Variants in EML1 observed in about 807,000 individuals in gnomAD.
EML1 encodes the protein EMAP like 1, also known as echinoderm microtubule-associated protein-like 1.
In EML1, 27 loss-of-function variants were observed where a neutral mutation model predicts 110.4. The observed-to-expected ratio is 0.24, with a 90% CI of 0.18 to 0.34. The LOEUF (loss-of-function observed/expected upper bound fraction) is 0.34, where lower values mean the gene tolerates loss of function less well. Among genes scored for constraint, EML1 ranks in the 10% least tolerant of loss-of-function variants. The pLI is 1.00. For missense variants in EML1, 741 were observed against 1,030.9 expected, an observed-to-expected ratio of 0.72 and a Z score of 3.85; for synonymous variants, 344 against 385.8, an observed-to-expected ratio of 0.89 and a Z score of 1.27.
At chr14:99,796,960 A>T (rs182733070) in intron 1 of EML1, among the ~76,000 whole-genome samples, 16 of 151,672 alleles carry the variant, frequency 1.1e-4, no homozygotes, top group Non-Finnish European at 1.6e-4. Context: ...CTTTATTGAA[A>T]TATTTACATA....
intron 4 of EML1, among the ~76,000 whole-genome samples, chr14:99,881,210 C>T (rs144373589): frequency 9.2e-5 from 14 of 152,268 alleles, no homozygotes; most frequent in Non-Finnish European, 1.9e-4. Context: ...AGAGTGCTGA[C>T]GTCATAGGGA....
chr14:99,907,619 T>C lies in EML1; in HGVS notation c.1009-19T>C. On this transcript the variant is annotated intron_variant, in intron 9 of 21. Transcript: ENST00000262233. ...TTTATTCTCAGATATAGTCTTCCTG[T>C]GAATAACTTTCTTTTCAGAATGGAG... 1 of 1,605,834 alleles carries C rather than the reference T, an allele frequency of 6.2e-7. No homozygotes were observed. Among genetic ancestry groups the C allele is most frequent in the Admixed American group, 1.7e-5 (1 of 59,536 alleles).
intron 1 of EML1, among the ~76,000 whole-genome samples, chr14:99,740,667 G>A (rs976431101): frequency 1.3e-5 from 2 of 152,184 alleles, no homozygotes; most frequent in Admixed American, 1.3e-4. Flanking sequence ...CAGCAAAGGC[G>A]CTTCCTTTAC....
At chr14:99,746,839 C>T (rs1257925006) in intron 1 of EML1, among the ~76,000 whole-genome samples, 2 of 152,178 alleles carry the variant, frequency 1.3e-5, no homozygotes, top group African/African-American at 4.8e-5. Flanking sequence ...CAGGGCTCCT[C>T]CCACCCAGGG....
At chr14:99,924,055 G>A (rs145468676) in intron 17 of EML1, among the ~76,000 whole-genome samples, 21 of 152,256 alleles carry the variant, frequency 1.4e-4, no homozygotes, top group African/African-American at 4.8e-4. Flanking sequence ...GGACAATAGT[G>A]GCTCTTATCA....
At chr14:99,830,036 G>A (rs1425546788) in intron 1 of EML1, among the ~76,000 whole-genome samples, 1 of 152,170 alleles carries the variant, frequency 6.6e-6, no homozygotes, top group Non-Finnish European at 1.5e-5. Flanking sequence ...ATCATATGGT[G>A]ATCCTACGTT....
At chr14:99,761,866 A>G (rs1396249602) in intron 1 of EML1, among the ~76,000 whole-genome samples, 1 of 149,846 alleles carries the variant, frequency 6.7e-6, no homozygotes, top group Non-Finnish European at 1.5e-5. Flanking sequence ...CGGAGGTTGC[A>G]GTGAGCTGAG....
At chr14:99,910,174 G>A (rs144847149) in intron 11 of EML1, 68 bp from the exon 12 acceptor site, 24 of 1,188,058 alleles carry the variant, frequency 2.0e-5, no homozygotes, top group East Asian at 7.8e-5. Context: ...ACAAATGAAA[G>A]GTTGTCTGGA....
rs181082378 is a variant in EML1, at chr14:99,939,848, G to C, written c.2323-139G>C. On this transcript the variant is annotated intron_variant, in intron 21 of 21. Coordinates refer to ENST00000262233, the MANE Select transcript of EML1 (RefSeq NM_004434.3). The surrounding 1 kb of genome is among the most constrained non-coding windows in gnomAD (Gnocchi z 4.2). ...CTGTGTCCCTTCTGTGTCACACACA[G>C]AGCAGGTTCCCAAGTGAGAGCTGCC... is the stretch of plus-strand genomic sequence containing the variant. The C allele has an allele frequency of 3.4e-4, 376 of 1,099,350 alleles. 4 individuals carry two copies. The African/African-American group carries it at 3.9e-3, about 11-fold the overall frequency. The allele number at this position is 1,099,350 out of a possible 1,614,324, so 68.1% of individuals were successfully genotyped here. A position where few individuals can be genotyped will look rare whatever the true frequency, so the allele number is the denominator to read the frequency against.
At chr14:99,913,641 A>G (rs1243863996) in intron 13 of EML1, among the ~76,000 whole-genome samples, 1 of 152,104 alleles carries the variant, frequency 6.6e-6, no homozygotes, top group Non-Finnish European at 1.5e-5. Context: ...AAATGTTTGT[A>G]GTTTAAAAAT....
intron 8 of EML1, 137 bp downstream of exon 8, chr14:99,898,439 T>A: frequency 1.2e-6 from 1 of 805,878 alleles, no homozygotes; most frequent in Non-Finnish European, 1.9e-6. Context: ...TCACTAGAAT[T>A]TTTTATTGTA....
intron 1 of EML1, among the ~76,000 whole-genome samples, chr14:99,795,996 G>C (rs1595291679): frequency 6.6e-6 from 1 of 152,048 alleles, no homozygotes; most frequent in Non-Finnish European, 1.5e-5. Flanking sequence ...GAGCAGCCTG[G>C]GCAACATAGC....
chr14:99,750,835 G>C (rs532869768), intron 1 of EML1, among the ~76,000 whole-genome samples: 4 of 151,996 alleles, frequency 2.6e-5, no homozygotes, highest in African/African-American at 9.7e-5. Context: ...TCAGGGCTTC[G>C]ACCTCTGCCC....
intron 2 of EML1, among the ~76,000 whole-genome samples, chr14:99,853,078 A>C (rs915959947): frequency 6.6e-6 from 1 of 152,234 alleles, no homozygotes; most frequent in Admixed American, 6.5e-5. Context: ...ACAGGAAGAA[A>C]ATAACAGGGT....
intron 6 of EML1, among the ~76,000 whole-genome samples, chr14:99,895,663 T>C (rs981680772): frequency 1.3e-5 from 2 of 151,856 alleles, no homozygotes; most frequent in African/African-American, 4.8e-5. Flanking sequence ...TGACCTTGAC[T>C]GAAGGGATGA....
Position 99,793,503 on chromosome 14 carries a change from C to T in EML1, c.27C>T (p.Ser9=). 2 of 1,053,616 alleles carry T rather than the reference C, an allele frequency of 1.9e-6. No individual in the cohort carries two copies. The highest frequency in any genetic ancestry group is 1.1e-6 in the Non-Finnish European group (1 of 869,580). The allele number at this position is 1,053,616 out of a possible 1,614,324, so 65.3% of individuals were successfully genotyped here. The change falls in exon 1 of 22, where the codon AGC becomes AGT. Residue 9 remains serine, a synonymous_variant. Coordinates refer to ENST00000262233, the MANE Select transcript of EML1 (RefSeq NM_004434.3). ...TGGAGGACGGCTTCTCCAGCTACAG[C>T]AGCCTGTACGACACGTCCTCGCTGC... MEDGFSSY[S]SLYDTSSLLQ... is the part of the protein sequence containing the mutation.
chr14:99,929,808 A>G (rs2060333665), intron 17 of EML1, among the ~76,000 whole-genome samples: 1 of 152,232 alleles, frequency 6.6e-6, no homozygotes. Context: ...TCTGTAGCCC[A>G]TCTCCAAGGT....
At chr14:99,877,831 C>G (rs1016788230) in intron 3 of EML1, among the ~76,000 whole-genome samples, 2 of 152,170 alleles carry the variant, frequency 1.3e-5, no homozygotes. Flanking sequence ...CGGGTCTCCA[C>G]CCACTACATG....
At chr14:99,783,815 A>G (rs1671642903) in intron 1 of EML1, among the ~76,000 whole-genome samples, 1 of 152,306 alleles carries the variant, frequency 6.6e-6, no homozygotes, top group Non-Finnish European at 1.5e-5. Context: ...CACCCAGGAC[A>G]AAGGCCTAAA....
Sources: allele counts gnomAD v4.1 joint callset (sites outside exome capture counted in the v4.1 genomes callset), GRCh38; gene constraint gnomAD v4.1.1; non-coding constraint Gnocchi (gnomAD v3.1); transcripts MANE v1.5; gene names NCBI Gene and HGNC (gene_info 2026-07-23, HGNC 2026-07-21).